Variants in FREM1 observed in about 807,000 individuals in gnomAD.
FREM1 encodes FRAS1 related extracellular matrix 1, also known as FRAS1-related extracellular matrix protein 1.
Under a neutral mutation model 210.1 loss-of-function variants are expected in FREM1, and 220 were observed. The observed-to-expected ratio is 1.05, with a 90% CI of 0.94 to 1.17. FREM1 has a LOEUF of 1.17. Ranked by LOEUF, FREM1 falls within the 50% of genes most tolerant of loss-of-function variation. The pLI, the probability that FREM1 is intolerant of heterozygous loss-of-function variation, is 0.00. For missense variants in FREM1, 3,454 were observed against 2,675.5 expected (o/e 1.29, Z -6.42); for synonymous variants, 1,189 against 980.2 (o/e 1.21, Z -3.98).
intron 4 of FREM1, 67 bp from the exon 5 acceptor site, chr9:14,857,816 T>C: frequency 8.6e-7 from 1 of 1,156,998 alleles, no homozygotes; most frequent in Non-Finnish European, 1.2e-6. Flanking sequence ...TAGAAACCAG[T>C]ACTCCGTCCC....
chr9:14,799,643 T>G (rs1270788256), intron 20 of FREM1, among the ~76,000 whole-genome samples: 1 of 152,168 alleles, frequency 6.6e-6, no homozygotes, highest in Non-Finnish European at 1.5e-5. Flanking sequence ...TATTATTTTT[T>G]CCTTGGTCAA....
intron 10 of FREM1, among the ~76,000 whole-genome samples, chr9:14,825,547 G>GTGTGTGTGTATA: frequency 0.01 from 768 of 75,830 alleles, 13 homozygotes; most frequent in African/African-American, 0.012. Context: ...GTGTGTGTGT[G>GTGTGTGTGTATA]TATATATATA....
intron 1 of FREM1, among the ~76,000 whole-genome samples, chr9:14,903,951 CT>C (rs1179362524): frequency 6.6e-6 from 1 of 151,874 alleles, no homozygotes; most frequent in African/African-American, 2.4e-5. Flanking sequence ...GAAACCGCGT[CT>C]CTACTAAAAA....
At chr9:14,819,138 AG>A (rs1820821352) in intron 14 of FREM1, 95 bp downstream of exon 14, 1 of 818,128 alleles carries the variant, frequency 1.2e-6, no homozygotes, top group Non-Finnish European at 1.9e-6. Context: ...GTATCCTTTA[AG>A]AAATTGGACA....
chr9:14,772,991 C>A (rs1283306291), intron 25 of FREM1, among the ~76,000 whole-genome samples: 2 of 152,178 alleles, frequency 1.3e-5, no homozygotes, highest in South Asian at 4.1e-4. Flanking sequence ...CCCGTCATGT[C>A]TCTGGTCACA....
At chr9:14,844,528 G>C (rs572969268) in intron 8 of FREM1, among the ~76,000 whole-genome samples, 1 of 152,118 alleles carries the variant, frequency 6.6e-6, no homozygotes, top group Non-Finnish European at 1.5e-5. Context: ...CCCGGCCAGA[G>C]ACTTACAATT....
At chr9:14,884,371 C>T (rs897685456) in intron 1 of FREM1, among the ~76,000 whole-genome samples, 3 of 152,252 alleles carry the variant, frequency 2.0e-5, no homozygotes, top group African/African-American at 7.2e-5. Flanking sequence ...CATTTTCCCA[C>T]CATTGCCTTT....
At chr9:14,897,599 T>C (rs1339159229) in intron 1 of FREM1, among the ~76,000 whole-genome samples, 1 of 152,110 alleles carries the variant, frequency 6.6e-6, no homozygotes, top group Non-Finnish European at 1.5e-5. Flanking sequence ...AATTTTTTTT[T>C]TTTTTTTAAG....
At chr9:14,876,093 G>A (rs1309824928) in intron 1 of FREM1, among the ~76,000 whole-genome samples, 1 of 152,076 alleles carries the variant, frequency 6.6e-6, no homozygotes, top group Non-Finnish European at 1.5e-5. Flanking sequence ...CTACTGGGGG[G>A]TGCCTCCCAG....
At chr9:14,867,683 G>T (rs946024206) in intron 2 of FREM1, among the ~76,000 whole-genome samples, 2 of 151,980 alleles carry the variant, frequency 1.3e-5, no homozygotes, top group Non-Finnish European at 2.9e-5. Flanking sequence ...ATAACCTCGT[G>T]GATTAGTTTT....
chr9:14,811,604 G>A lies in FREM1; in HGVS notation c.2893+1208C>T, dbSNP rs182661315. On this transcript the variant is annotated intron_variant, in intron 16 of 36. Transcript: ENST00000380880. ...AAGACTAAACACAGATAAGAGGATA[G>A]AGAGATACCATTTAAAGAAAAAAGA... 1.8e-3 allele frequency among the ~76,000 whole-genome samples: 268 copies of A among 152,278 alleles called. 2 individuals are homozygous for A. Among genetic ancestry groups the A allele is most frequent in the South Asian group, 7.3e-3 (35 of 4,822 alleles).
At chr9:14,841,399 A>G in intron 10 of FREM1, 48 bp downstream of exon 10, 1 of 1,450,716 alleles carries the variant, frequency 6.9e-7, no homozygotes, top group Non-Finnish European at 9.3e-7. Flanking sequence ...CCTAGAATTG[A>G]CACCTGTGCA....
At chr9:14,892,623 T>C (rs1018577939) in intron 1 of FREM1, among the ~76,000 whole-genome samples, 4 of 152,054 alleles carry the variant, frequency 2.6e-5, no homozygotes, top group Non-Finnish European at 4.4e-5. Flanking sequence ...CTGATGGCTG[T>C]GGGTGACAGA....
chr9:14,851,708 T>A (rs1827792440), intron 5 of FREM1, 101 bp from the exon 6 acceptor site: 1 of 947,340 alleles, frequency 1.1e-6, no homozygotes, highest in South Asian at 1.3e-5. Flanking sequence ...CAGCCTAGCG[T>A]CTAGCAGTGA....
intron 23 of FREM1, among the ~76,000 whole-genome samples, chr9:14,785,003 G>A (rs778791178): frequency 1.3e-5 from 2 of 152,204 alleles, no homozygotes; most frequent in African/African-American, 2.4e-5. Context: ...TGGAAAGAGT[G>A]TAAATTGGTA....
At chr9:14,746,877 A>G (rs757513458) in intron 34 of FREM1, 46 bp downstream of exon 34, 3 of 1,598,664 alleles carry the variant, frequency 1.9e-6, no homozygotes, top group Admixed American at 3.5e-5. Context: ...CTTATCATAG[A>G]GCACATTGCG....
At chr9:14,781,567 T>A (rs531559279) in intron 24 of FREM1, among the ~76,000 whole-genome samples, 1 of 152,254 alleles carries the variant, frequency 6.6e-6, no homozygotes, top group African/African-American at 2.4e-5. Context: ...TTATATTTAG[T>A]TTTATGGTAT....
chr9:14,905,793 A>G (rs868851889), intron 1 of FREM1, among the ~76,000 whole-genome samples: 40 of 152,320 alleles, frequency 2.6e-4, no homozygotes, highest in Middle Eastern at 3.4e-3. Flanking sequence ...CGGGAGGCTG[A>G]GGCAGGAGAA....
intron 24 of FREM1, among the ~76,000 whole-genome samples, chr9:14,777,208 T>A (rs1408198433): frequency 2.0e-5 from 3 of 152,238 alleles, no homozygotes; most frequent in African/African-American, 2.4e-5. Flanking sequence ...GTTTGTGATA[T>A]CTTAATGTGC....
Sources: allele counts gnomAD v4.1 joint callset (sites outside exome capture counted in the v4.1 genomes callset), GRCh38; gene constraint gnomAD v4.1.1; transcripts MANE v1.5; gene names NCBI Gene and HGNC (gene_info 2026-07-23, HGNC 2026-07-21).